Variants in CCDC102B observed in about 807,000 individuals in gnomAD.
The protein encoded by CCDC102B is coiled-coil domain containing 102B, also known as coiled-coil domain-containing protein 102B.
CCDC102B carries 75 observed loss-of-function variants against 57.4 expected under a neutral mutation model. The observed-to-expected ratio is 1.31, with a 90% confidence interval of 1.08 to 1.58. CCDC102B has a LOEUF of 1.58. CCDC102B is among the 40% of genes most tolerant of loss of function. CCDC102B has a pLI of 0.00. For missense variants in CCDC102B, 636 were observed against 582.6 expected (o/e 1.09, Z -0.94); for synonymous variants, 206 against 201.9 (o/e 1.02, Z -0.17).
At chr18:68,774,484 T>A (rs2034744935) in intron 2 of CCDC102B, among the ~76,000 whole-genome samples, 1 of 151,986 alleles carries the variant, frequency 6.6e-6, no homozygotes, top group Non-Finnish European at 1.5e-5. Flanking sequence ...CTTATCATGG[T>A]CCACAAAATT....
chr18:69,029,863 G>A (rs193049591), intron 7 of CCDC102B, among the ~76,000 whole-genome samples: 1 of 152,240 alleles, frequency 6.6e-6, no homozygotes, highest in East Asian at 1.9e-4. Context: ...TTTCACTTCA[G>A]TTTCCATATT....
intron 1 of CCDC102B, among the ~76,000 whole-genome samples, chr18:68,826,691 A>AT (rs910328739): frequency 1.3e-5 from 2 of 152,134 alleles, no homozygotes; most frequent in African/African-American, 4.8e-5. Flanking sequence ...ATCAATTTGA[A>AT]TTTTTTTCTT....
intron 2 of CCDC102B, among the ~76,000 whole-genome samples, chr18:68,789,659 G>T (rs2035354429): frequency 6.8e-6 from 1 of 147,552 alleles, no homozygotes; most frequent in African/African-American, 2.5e-5. Context: ...CGTAGTTCTC[G>T]AGCCTTGGTT....
chr18:68,822,310 C>T (rs2036720634), intron 1 of CCDC102B, among the ~76,000 whole-genome samples: 3 of 151,942 alleles, frequency 2.0e-5, no homozygotes, highest in Non-Finnish European at 4.4e-5. Flanking sequence ...AGGAGAATCA[C>T]TTGAACCTGG....
intron 6 of CCDC102B, among the ~76,000 whole-genome samples, chr18:68,926,796 CA>C (rs1196091237): frequency 6.6e-6 from 1 of 151,842 alleles, no homozygotes; most frequent in Non-Finnish European, 1.5e-5. Flanking sequence ...GGTGTGTTCA[CA>C]TTTGATTTAT....
chr18:68,828,710 A>G (rs954802320), intron 1 of CCDC102B, among the ~76,000 whole-genome samples: 1 of 151,580 alleles, frequency 6.6e-6, no homozygotes, highest in African/African-American at 2.4e-5. Context: ...ATATATTTGA[A>G]TTGTTATTTC....
chr18:69,026,478 C>CAAAA (rs1175490910), intron 7 of CCDC102B, among the ~76,000 whole-genome samples: 1 of 142,874 alleles, frequency 7.0e-6, no homozygotes, highest in African/African-American at 3.0e-5. Flanking sequence ...AAAAAAAAAC[C>CAAAA]CCAGAGAAAT....
intron 6 of CCDC102B, among the ~76,000 whole-genome samples, chr18:68,939,552 A>C (rs988214100): frequency 3.3e-5 from 5 of 151,700 alleles, no homozygotes; most frequent in African/African-American, 1.2e-4. Context: ...TATAGTTTCC[A>C]TTTCATGGCC....
At chr18:69,036,330 G>A (rs2052291391) in intron 7 of CCDC102B, among the ~76,000 whole-genome samples, 1 of 152,016 alleles carries the variant, frequency 6.6e-6, no homozygotes, top group Non-Finnish European at 1.5e-5. Flanking sequence ...TCCGTTTGAT[G>A]TGATTCTAAG....
intron 2 of CCDC102B, among the ~76,000 whole-genome samples, chr18:68,793,045 T>C (rs1014191823): frequency 3.3e-5 from 5 of 152,190 alleles, no homozygotes; most frequent in African/African-American, 1.2e-4. Context: ...CAGGTTAGTT[T>C]AATAAGACCT....
chr18:68,777,933 CTGT>C (rs1410810135), intron 2 of CCDC102B, among the ~76,000 whole-genome samples: 6 of 152,082 alleles, frequency 3.9e-5, no homozygotes, highest in Admixed American at 3.9e-4. Context: ...CCATTACTTG[CTGT>C]TAGGTTACAG....
intron 6 of CCDC102B, among the ~76,000 whole-genome samples, chr18:69,000,376 A>T (rs920899663): frequency 1.3e-5 from 2 of 152,154 alleles, no homozygotes; most frequent in Admixed American, 1.3e-4. Context: ...AAATGATGAA[A>T]TGTGTATTGT....
intron 7 of CCDC102B, among the ~76,000 whole-genome samples, chr18:69,039,576 T>A (rs1053385055): frequency 1.3e-5 from 2 of 151,968 alleles, no homozygotes; most frequent in Non-Finnish European, 2.9e-5. Context: ...CTATTATTAA[T>A]TATATGTGTC....
intron 6 of CCDC102B, among the ~76,000 whole-genome samples, chr18:68,984,144 TG>T (rs1376687249): frequency 6.6e-6 from 1 of 151,632 alleles, no homozygotes; most frequent in Non-Finnish European, 1.5e-5. Flanking sequence ...GGGCCAGAAC[TG>T]TGTTACCTTT....
chr18:68,735,655 C>A (rs2033093014), intron 2 of CCDC102B, among the ~76,000 whole-genome samples: 1 of 152,314 alleles, frequency 6.6e-6, no homozygotes. Context: ...CAACTCCTCA[C>A]ACACCCGTGA....
At chr18:68,875,874 T>G (rs1342930556) in intron 5 of CCDC102B, among the ~76,000 whole-genome samples, 3 of 152,148 alleles carry the variant, frequency 2.0e-5, no homozygotes, top group African/African-American at 7.2e-5. Flanking sequence ...CTCCCTGTGT[T>G]CCTCCTCATC....
chr18:69,009,331 C>T (rs2051436392), intron 6 of CCDC102B, among the ~76,000 whole-genome samples: 1 of 152,032 alleles, frequency 6.6e-6, no homozygotes, highest in Non-Finnish European at 1.5e-5. Flanking sequence ...GTGATGAGAA[C>T]ATTCTCATCA....
chr18:69,019,519 G>T (rs1821095), intron 7 of CCDC102B, among the ~76,000 whole-genome samples: 150,727 of 152,148 alleles, frequency 0.99, 74,676 homozygotes, highest in East Asian at 1. Context: ...TTAATTTCTT[G>T]TTCAGATAGT....
chr18:68,917,882 A>C (rs749874212), intron 6 of CCDC102B, among the ~76,000 whole-genome samples: 17 of 152,150 alleles, frequency 1.1e-4, no homozygotes, highest in African/African-American at 2.4e-4. Flanking sequence ...TTTTTATTGG[A>C]TATAACCTGG....
Sources: allele counts gnomAD v4.1 joint callset (sites outside exome capture counted in the v4.1 genomes callset), GRCh38; gene constraint gnomAD v4.1.1; transcripts MANE v1.5; gene names NCBI Gene and HGNC (gene_info 2026-07-23, HGNC 2026-07-21).